Variants in PREX1 observed in about 807,000 individuals in gnomAD.
PREX1 encodes the protein phosphatidylinositol 3,4,5-trisphosphate-dependent Rac exchanger 1 protein.
A neutral mutation model predicts 198.3 loss-of-function variants in PREX1; 41 were observed. That is an observed-to-expected ratio of 0.21 (90% CI 0.16 to 0.27). The LOEUF (loss-of-function observed/expected upper bound fraction) is 0.27. PREX1 is among the 10% of genes least tolerant of loss of function. PREX1 has a pLI of 1.00. For missense variants in PREX1, 1,620 were observed against 2,200.7 expected (o/e 0.74, Z 5.28); for synonymous variants, 843 against 887.2 (o/e 0.95, Z 0.89).
chr20:48,653,406 G>A lies in PREX1; in HGVS notation c.2301C>T (p.Val767=). 2 of 1,614,028 alleles carry A rather than the reference G, an allele frequency of 1.2e-6. No homozygotes were observed. The highest frequency in any genetic ancestry group is 2.2e-5 in the East Asian group (1 of 44,884). ...SNVMNDGAPE[V]LEHFQAFRSR... ...TCCGGAATGCCTGGAAGTGCTCCAG[G>A]ACCTCAGGGGCACCATCGTTCATCA... The change falls in exon 20 of 40, where the codon GTC becomes GTT. Residue 767 remains valine (V), a synonymous_variant. Transcript: ENST00000371941.
At chr20:48,627,656 AG>A in intron 38 of PREX1, 41 bp from the exon 39 acceptor site, 1 of 1,120,226 alleles carries the variant, frequency 8.9e-7, no homozygotes, top group Non-Finnish European at 1.3e-6. Flanking sequence ...CTGCAGGTTC[AG>A]GGCACGTGAG....
rs543937184 is a variant in PREX1 at position 48,795,410 on chromosome 20, G to A, written c.219+32232C>T. On this transcript the variant is annotated intron_variant, in intron 1 of 39. Coordinates refer to ENST00000371941, the MANE Select transcript of PREX1 (RefSeq NM_020820.4). ...CTTTCAAATGAGGGCAATTTTGCTT[G>A]CCCCAACCCCCCACCCCTGAGGACA... Among the ~76,000 whole-genome samples the A allele has an allele frequency of 5.9e-5, 9 of 151,930 alleles. No homozygotes were observed. In the East Asian group the frequency reaches 1.7e-3, roughly 29 times the overall value.
Position 48,636,696 on chromosome 20 carries a change from G to A in PREX1, c.3947-13C>T, listed in dbSNP as rs988542882. On this transcript the variant is annotated splice_polypyrimidine_tract_variant and intron_variant, in intron 31 of 39. Coordinates refer to ENST00000371941, the MANE Select transcript of PREX1 (RefSeq NM_020820.4). Reference sequence around the variant, plus strand: ...TGCAGCTCCGTGTCTGGGGGCAGAGGGCAGGAGGCCTTGCTGGAGGGGCGC... The same window carrying A: ...TGCAGCTCCGTGTCTGGGGGCAGAGAGCAGGAGGCCTTGCTGGAGGGGCGC... 3 of 1,585,610 alleles carry A rather than the reference G, an allele frequency of 1.9e-6. No homozygotes were observed. The African/African-American group carries it at 4.0e-5, about 21-fold the overall frequency.
the PREX1 span, among the ~76,000 whole-genome samples, chr20:48,862,807 A>ATATATATATATATGTGTGTG: frequency 1.1e-3 from 140 of 126,482 alleles, no homozygotes; most frequent in Non-Finnish European, 1.9e-3. Flanking sequence ...ATATATATAT[A>ATATATATATATATGTGTGTG]TATATACTAA....
chr20:48,684,347 AC>A lies in PREX1; in HGVS notation c.1335-3013del, dbSNP rs1332635677. On this transcript the variant is annotated intron_variant, in intron 10 of 39. Coordinates refer to ENST00000371941, the MANE Select transcript of PREX1 (RefSeq NM_020820.4). This position sits in a 1 kb window ranked among gnomAD's most constrained non-coding sequence, Gnocchi z 4.2. ...TCCAAGAGGGTAGGGACTGGGGGGTACCCAGTGGAATACCCATCCCTGTGAC... is the reference window on the plus strand; with the variant it reads ...TCCAAGAGGGTAGGGACTGGGGGGTACCAGTGGAATACCCATCCCTGTGAC... Among the ~76,000 whole-genome samples the A allele has an allele frequency of 3.3e-5, 5 of 152,020 alleles. No homozygotes were observed. The highest frequency in any genetic ancestry group is 5.9e-5 in the Non-Finnish European group (4 of 67,996).
chr20:48,815,535 A>C (rs567875201), intron 1 of PREX1, among the ~76,000 whole-genome samples: 4 of 152,262 alleles, frequency 2.6e-5, no homozygotes, highest in African/African-American at 7.2e-5. Flanking sequence ...TCCCCACCCC[A>C]CACTCAGAGT....
intron 1 of PREX1, among the ~76,000 whole-genome samples, chr20:48,801,066 G>T (rs1199339666): frequency 1.3e-5 from 2 of 152,160 alleles, no homozygotes; most frequent in African/African-American, 2.4e-5. Context: ...ATAAAATGGG[G>T]ATAATAAGAA....
chr20:48,681,701 T>A (rs966412950), intron 10 of PREX1, among the ~76,000 whole-genome samples: 4 of 151,974 alleles, frequency 2.6e-5, no homozygotes, highest in Non-Finnish European at 1.5e-5. Context: ...GATGGATGGA[T>A]GGACGGACGG....
intron 32 of PREX1, among the ~76,000 whole-genome samples, chr20:48,636,168 G>A (rs1339000363): frequency 1.3e-5 from 2 of 152,192 alleles, no homozygotes; most frequent in Non-Finnish European, 2.9e-5. Context: ...CCCCTAGTGG[G>A]GAAACTGCCC....
intron 1 of PREX1, among the ~76,000 whole-genome samples, chr20:48,819,017 G>A (rs951162672): frequency 2.0e-5 from 3 of 152,200 alleles, no homozygotes; most frequent in African/African-American, 7.2e-5. Context: ...CCAGCCGTAG[G>A]TCACAGAGCA....
At chr20:48,746,058 G>T (rs956689729) in intron 2 of PREX1, among the ~76,000 whole-genome samples, 11 of 152,156 alleles carry the variant, frequency 7.2e-5, no homozygotes, top group African/African-American at 2.7e-4. Context: ...CTGTCGCCCA[G>T]GCTGGAGTGT....
intron 4 of PREX1, among the ~76,000 whole-genome samples, chr20:48,733,631 A>G (rs1005763305): frequency 6.6e-6 from 1 of 152,118 alleles, no homozygotes; most frequent in Non-Finnish European, 1.5e-5. Context: ...TTGAACACCC[A>G]GACTCTGCCA....
chr20:48,763,402 A>G (rs1033478768), intron 1 of PREX1, among the ~76,000 whole-genome samples: 3 of 152,142 alleles, frequency 2.0e-5, no homozygotes, highest in African/African-American at 7.2e-5. Context: ...AAAGAGAACC[A>G]AGTCACTCGG....
intron 13 of PREX1, among the ~76,000 whole-genome samples, chr20:48,678,382 G>A (rs1238923456): frequency 3.3e-5 from 5 of 151,878 alleles, no homozygotes; most frequent in Non-Finnish European, 7.4e-5. Flanking sequence ...CAGGTGGGAG[G>A]ACTGCCTGAG....
chr20:48,752,102 A>G (rs1164437631), intron 1 of PREX1, among the ~76,000 whole-genome samples: 2 of 152,134 alleles, frequency 1.3e-5, no homozygotes, highest in Non-Finnish European at 2.9e-5. Flanking sequence ...TGCACTCGAG[A>G]TTAGTTCAGT....
chr20:48,696,661 G>A (rs1476480681), intron 7 of PREX1, among the ~76,000 whole-genome samples: 8 of 150,514 alleles, frequency 5.3e-5, no homozygotes, highest in Non-Finnish European at 8.9e-5. Context: ...ACGTACACAC[G>A]TACACAAACC....
At chr20:48,728,783 C>T (rs2090020643) in intron 4 of PREX1, among the ~76,000 whole-genome samples, 1 of 152,154 alleles carries the variant, frequency 6.6e-6, no homozygotes, top group South Asian at 2.1e-4. Flanking sequence ...AAGGACACTT[C>T]CCCACAAACA....
At chr20:48,636,374 G>A in intron 32 of PREX1, 89 bp downstream of exon 32, 2 of 1,336,006 alleles carry the variant, frequency 1.5e-6, no homozygotes, top group Non-Finnish European at 2.0e-6. Context: ...GGGGGAGCCT[G>A]AGTAAGTGGG....
chr20:48,729,424 G>T (rs1011704748), intron 4 of PREX1, among the ~76,000 whole-genome samples: 1 of 151,858 alleles, frequency 6.6e-6, no homozygotes, highest in Non-Finnish European at 1.5e-5. Flanking sequence ...AAACACTCAG[G>T]TTTATCTCTC....
Sources: allele counts gnomAD v4.1 joint callset (sites outside exome capture counted in the v4.1 genomes callset), GRCh38; gene constraint gnomAD v4.1.1; non-coding constraint Gnocchi (gnomAD v3.1); transcripts MANE v1.5; gene names NCBI Gene and HGNC (gene_info 2026-07-23, HGNC 2026-07-21).